SLC24A2: variants seen among roughly 807,000 people sequenced by gnomAD.
SLC24A2 encodes the protein solute carrier family 24 member 2.
In SLC24A2, 36 loss-of-function variants were observed where a neutral mutation model predicts 62.0. The observed-to-expected ratio is 0.58, with a 90% CI of 0.44 to 0.77. The LOEUF (loss-of-function observed/expected upper bound fraction) is 0.77. Ranked by LOEUF, SLC24A2 falls within the 30% of genes least tolerant of loss-of-function variation. The pLI, the probability that SLC24A2 is intolerant of heterozygous loss-of-function variation, is 0.00. For missense variants in SLC24A2, 846 were observed against 817.9 expected, an observed-to-expected ratio of 1.03 and a Z score of -0.42; for synonymous variants, 358 against 294.0, an observed-to-expected ratio of 1.22 and a Z score of -2.23.
In SLC24A2 at chr9:19,564,713, A is replaced by G. The variant is rs1192143749; in HGVS notation, c.1347+8638T>C. Among the ~76,000 whole-genome samples, 7 of 152,332 alleles carry G rather than the reference A, an allele frequency of 4.6e-5. No homozygotes were observed. In the East Asian group the frequency reaches 1.2e-3, roughly 25 times the overall value. ...AATGAAATAAAAACTGCAACACATAAAAAGCCGTCTCATGCTACATGAAAA... is the reference window on the plus strand; with the variant it reads ...AATGAAATAAAAACTGCAACACATAGAAAGCCGTCTCATGCTACATGAAAA... On this transcript the variant is annotated intron_variant, in intron 7 of 10. Coordinates refer to ENST00000341998, the MANE Select transcript of SLC24A2 (RefSeq NM_020344.4).
chr9:19,587,191 G>C (rs1243864976), intron 5 of SLC24A2, among the ~76,000 whole-genome samples: 2 of 152,122 alleles, frequency 1.3e-5, no homozygotes, highest in African/African-American at 4.8e-5. Context: ...AGGTGCTCAA[G>C]AAATAGGTGT....
chr9:20,095,995 C>T, the SLC24A2 span, among the ~76,000 whole-genome samples: 2 of 152,100 alleles, frequency 1.3e-5, no homozygotes, highest in Non-Finnish European at 2.9e-5. Context: ...TGGGTCCCTT[C>T]CACAACATGT....
chr9:19,993,662 C>T, the SLC24A2 span, among the ~76,000 whole-genome samples: 6 of 152,132 alleles, frequency 3.9e-5, no homozygotes, highest in Non-Finnish European at 8.8e-5. Flanking sequence ...ACCTGATAAG[C>T]AGAGCCCACA....
the SLC24A2 span, among the ~76,000 whole-genome samples, chr9:20,054,745 C>A: frequency 2.6e-5 from 4 of 152,174 alleles, no homozygotes; most frequent in Non-Finnish European, 5.9e-5. Flanking sequence ...AATTGCACTG[C>A]ACAAAATATG....
the SLC24A2 span, among the ~76,000 whole-genome samples, chr9:19,975,526 C>T: frequency 1.3e-5 from 2 of 152,170 alleles, no homozygotes; most frequent in East Asian, 1.9e-4. Context: ...CTTCTTTGCA[C>T]TTCTATTTCC....
upstream of SLC24A2, among the ~76,000 whole-genome samples, chr9:19,789,540 G>C (rs1823279982): frequency 6.6e-6 from 1 of 152,214 alleles, no homozygotes; most frequent in Admixed American, 6.5e-5. Flanking sequence ...CTTGCAGGGT[G>C]ACCTTTCATT....
At position 19,527,561 on chromosome 9, in the gene SLC24A2, T is replaced by C. The variant is rs148799107; in HGVS notation, c.1569+488A>G. Among the ~76,000 whole-genome samples, 814 of 152,362 alleles carry C rather than the reference T, an allele frequency of 5.3e-3. 9 individuals are homozygous for C. The highest frequency in any genetic ancestry group is 0.019 in the African/African-American group (789 of 41,584). ...AATGATTACTGAGAGTGTATTCTTGTGATGGGCATTGTGACTCATATTGAG... is the reference window on the plus strand; with the variant it reads ...AATGATTACTGAGAGTGTATTCTTGCGATGGGCATTGTGACTCATATTGAG... On this transcript the variant is annotated intron_variant, in intron 9 of 10. Coordinates refer to ENST00000341998, the MANE Select transcript of SLC24A2 (RefSeq NM_020344.4).
the SLC24A2 span, among the ~76,000 whole-genome samples, chr9:19,818,681 C>T: frequency 6.6e-6 from 1 of 152,046 alleles, no homozygotes. Flanking sequence ...CAAAACACTG[C>T]TGAAGGAAAT....
chr9:20,044,128 G>C, the SLC24A2 span, among the ~76,000 whole-genome samples: 19 of 150,016 alleles, frequency 1.3e-4, no homozygotes, highest in African/African-American at 4.4e-4. Flanking sequence ...TTTTTTTTTA[G>C]CAGTAAAGTA....
the SLC24A2 span, among the ~76,000 whole-genome samples, chr9:20,116,067 C>A: frequency 6.6e-6 from 1 of 152,092 alleles, no homozygotes; most frequent in Non-Finnish European, 1.5e-5. Flanking sequence ...CAGGACAGGG[C>A]AGAAGTTACT....
chr9:19,791,884 G>C (rs187644587), upstream of SLC24A2, among the ~76,000 whole-genome samples: 1 of 152,300 alleles, frequency 6.6e-6, no homozygotes, highest in East Asian at 1.9e-4. Context: ...ATAAACATTA[G>C]TTGGCCTCAT....
At chr9:20,012,744 C>T in the SLC24A2 span, among the ~76,000 whole-genome samples, 43 of 152,106 alleles carry the variant, frequency 2.8e-4, no homozygotes, top group Admixed American at 2.2e-3. Context: ...ATGAACTACT[C>T]AAAAAGGAAA....
At chr9:19,842,018 A>G in the SLC24A2 span, among the ~76,000 whole-genome samples, 3 of 152,212 alleles carry the variant, frequency 2.0e-5, no homozygotes, top group Non-Finnish European at 2.9e-5. Flanking sequence ...ACCAAGATGG[A>G]ATCCTGGATA....
At chr9:20,272,671 A>C in the SLC24A2 span, among the ~76,000 whole-genome samples, 9 of 152,234 alleles carry the variant, frequency 5.9e-5, no homozygotes, top group Non-Finnish European at 1.0e-4. Flanking sequence ...CTGATCAGGC[A>C]ACTCAAAATA....
At chr9:20,038,600 T>C in the SLC24A2 span, among the ~76,000 whole-genome samples, 1 of 130,830 alleles carries the variant, frequency 7.6e-6, no homozygotes, top group Non-Finnish European at 1.7e-5. Flanking sequence ...TCTACGATAT[T>C]TTTTTTCAGC....
the SLC24A2 span, among the ~76,000 whole-genome samples, chr9:20,024,000 C>G: frequency 6.6e-6 from 1 of 152,204 alleles, no homozygotes; most frequent in Non-Finnish European, 1.5e-5. Flanking sequence ...GTTAATCTAG[C>G]CTTTAATTAG....
At chr9:19,893,269 C>G in the SLC24A2 span, among the ~76,000 whole-genome samples, 1 of 152,166 alleles carries the variant, frequency 6.6e-6, no homozygotes, top group Non-Finnish European at 1.5e-5. Flanking sequence ...ATTCTGCTAG[C>G]CTTGCTCTCT....
At chr9:19,698,607 T>C (rs1820262100) in intron 2 of SLC24A2, among the ~76,000 whole-genome samples, 1 of 152,222 alleles carries the variant, frequency 6.6e-6, no homozygotes, top group Non-Finnish European at 1.5e-5. Context: ...CATTCATTTG[T>C]TCGCTCCTTT....
chr9:19,859,317 G>A, the SLC24A2 span, among the ~76,000 whole-genome samples: 27 of 152,202 alleles, frequency 1.8e-4, no homozygotes, highest in African/African-American at 6.3e-4. Flanking sequence ...GACACAAAGA[G>A]GGGAACAATA....
Sources: allele counts gnomAD v4.1 joint callset (sites outside exome capture counted in the v4.1 genomes callset), GRCh38; gene constraint gnomAD v4.1.1; transcripts MANE v1.5; gene names NCBI Gene and HGNC (gene_info 2026-07-23, HGNC 2026-07-21).